Variants in MINK1 observed in about 807,000 individuals in gnomAD.
The protein encoded by MINK1 is misshapen like kinase 1, also known as misshapen-like kinase 1.
A neutral mutation model predicts 178.4 loss-of-function variants in MINK1; 46 were observed. The ratio of observed to expected loss-of-function variants is 0.26; its 90% CI spans 0.20 to 0.33. The LOEUF (loss-of-function observed/expected upper bound fraction) is 0.33. MINK1 is among the 10% of genes least tolerant of loss of function. The probability of loss-of-function intolerance (pLI) is 1.00; values close to 1 mark genes in which losing one functional copy is unlikely to be tolerated. For missense variants in MINK1, 1,366 were observed against 1,814.9 expected (o/e 0.75, Z 4.49); for synonymous variants, 797 against 709.7 (o/e 1.12, Z -1.96).
chr17:4,857,938 GAACTT>G (rs111813740), intron 1 of MINK1, among the ~76,000 whole-genome samples: 11,062 of 152,064 alleles, frequency 0.073, 851 homozygotes, highest in African/African-American at 0.2. Context: ...TATCCTTGTG[GAACTT>G]AACTTAAATT....
At chr17:4,874,745 C>T (rs1045822127) in intron 1 of MINK1, among the ~76,000 whole-genome samples, 1 of 151,994 alleles carries the variant, frequency 6.6e-6, no homozygotes, top group African/African-American at 2.4e-5. Context: ...ACGTGCGGGA[C>T]CCCAACTTGC....
At chr17:4,835,983 G>T (rs573526408) in intron 1 of MINK1, among the ~76,000 whole-genome samples, 1 of 152,236 alleles carries the variant, frequency 6.6e-6, no homozygotes, top group East Asian at 1.9e-4. Flanking sequence ...AGGGCTTGAG[G>T]GAGGGCTGTA....
intron 12 of MINK1, among the ~76,000 whole-genome samples, chr17:4,889,242 A>G (rs918320918): frequency 6.6e-6 from 1 of 152,180 alleles, no homozygotes; most frequent in Non-Finnish European, 1.5e-5. Flanking sequence ...GTGCACGGGC[A>G]CCTGGTGCCC....
At chr17:4,839,423 T>C (rs1909845262) in intron 1 of MINK1, among the ~76,000 whole-genome samples, 1 of 152,196 alleles carries the variant, frequency 6.6e-6, no homozygotes, top group Non-Finnish European at 1.5e-5. Context: ...CTACTATCTG[T>C]CTCAGTCTTC....
chr17:4,890,444 A>C, intron 13 of MINK1, 73 bp from the exon 14 acceptor site: 1 of 1,515,738 alleles, frequency 6.6e-7, no homozygotes, highest in Non-Finnish European at 8.9e-7. Flanking sequence ...AGTTGGAGAA[A>C]AGAGAGGGCA....
At position 4,896,942 on chromosome 17, in the gene MINK1, G is replaced by T. The variant is rs138909179; in HGVS notation, c.3915+129G>T. On this transcript the variant is annotated intron_variant, in intron 31 of 31. Coordinates refer to ENST00000355280, the MANE Select transcript of MINK1 (RefSeq NM_153827.5). This position sits in a 1 kb window ranked among gnomAD's most constrained non-coding sequence, Gnocchi z 4.6. ...AGCGGGCCCCTCTGGGAGCTCAGAG[G>T]GCAGTCAGCCACTACCACTGCCCTG... is the stretch of plus-strand genomic sequence containing the variant. 7.9e-7 allele frequency: 1 copy of T among 1,268,292 alleles called. No individual in the cohort carries two copies. Among genetic ancestry groups the T allele is most frequent in the Non-Finnish European group, 1.1e-6 (1 of 938,682 alleles). 78.6% of individuals were successfully genotyped at this position (1,268,292 alleles called of 1,614,324 possible).
In MINK1 at chr17:4,850,704, G is replaced by C. The variant is rs1032235771; in HGVS notation, c.57+17064G>C. ...ATGGGTACAGGTCACAAGTTTTCTT[G>C]GTCATGAAGCTTCTCTAGTCTCTTC... On this transcript the variant is annotated intron_variant, in intron 1 of 31. Coordinates refer to ENST00000355280, the MANE Select transcript of MINK1 (RefSeq NM_153827.5). Among the ~76,000 whole-genome samples the C allele has an allele frequency of 2.0e-5, 3 of 152,062 alleles. No homozygotes were observed. The South Asian group carries it at 6.2e-4, about 32-fold the overall frequency.
chr17:4,851,017 A>G (rs772862534), intron 1 of MINK1: 1 of 458,366 alleles, frequency 2.2e-6, no homozygotes, highest in South Asian at 1.6e-5. Context: ...CTCCGAGGCC[A>G]CAGATCTGGT....
At position 4,885,755 on chromosome 17, in the gene MINK1, C is replaced by G; in HGVS notation, c.639+142C>G. On this transcript the variant is annotated intron_variant, in intron 7 of 31. Transcript: ENST00000355280. The surrounding 1 kb of genome is among the most constrained non-coding windows in gnomAD (Gnocchi z 5.0). ...GGCTGGGGAACATCTTACGGCAAGG[C>G]AAGTGTGGGTGGGAAGATGGGATGG... The G allele has an allele frequency of 7.1e-7, 1 of 1,399,284 alleles. No individual in the cohort carries two copies. Among genetic ancestry groups the G allele is most frequent in the Non-Finnish European group, 9.8e-7 (1 of 1,021,300 alleles). The allele number at this position is 1,399,284 out of a possible 1,614,324, so 86.7% of individuals were successfully genotyped here.
In MINK1 at chr17:4,896,753, C is replaced by T. The variant is rs201261291; in HGVS notation, c.3855C>T (p.Asp1285=). 2.7e-4 allele frequency: 432 copies of T among 1,600,648 alleles called. 1 individual carries two copies. The African/African-American group carries it at 4.5e-3, about 17-fold the overall frequency. The stretch of plus-strand genomic sequence containing the variant: ...GCTCTGTGGAGACGGGCCACCTCGA[C>T]GGGGTCTTCATGCACAAACGAGCTC... ...EIRSVETGHL[D]GVFMHKRAQR... Residue 1285 remains aspartate (D), a synonymous_variant, in exon 31 of 32, where the codon GAC becomes GAT. Transcript: ENST00000355280. This position sits in a 1 kb window ranked among gnomAD's most constrained non-coding sequence, Gnocchi z 4.6.
At position 4,880,968 on chromosome 17, in the gene MINK1, T is replaced by G; in HGVS notation, c.124-16T>G. 6.8e-7 allele frequency: 1 copy of G among 1,480,844 alleles called. No homozygotes were observed. The highest frequency in any genetic ancestry group is 8.9e-7 in the Non-Finnish European group (1 of 1,119,644). 91.7% of individuals were successfully genotyped at this position (1,480,844 alleles called of 1,614,324 possible). On this transcript the variant is annotated splice_polypyrimidine_tract_variant and intron_variant, in intron 2 of 31. Transcript: ENST00000355280. ...TCCACCCTCTGAGCATAGACTCAGA[T>G]CCCTCTGTCCCGCAGGGTCGGCATG...
intron 1 of MINK1, among the ~76,000 whole-genome samples, chr17:4,840,981 G>A (rs557646292): frequency 6.6e-6 from 1 of 152,194 alleles, no homozygotes; most frequent in African/African-American, 2.4e-5. Context: ...ATGGGGACGA[G>A]CTGCCTAAGA....
In MINK1 at chr17:4,893,058, C is replaced by T. The variant is rs1426447770; in HGVS notation, c.2391C>T (p.Gly797=). The change falls in exon 20 of 32, where the codon GGC becomes GGT. Residue 797 remains glycine, a synonymous_variant. Transcript: ENST00000355280. ...CCGACGACCACCGCTCACGGCCAGGCCGGCCCGCAGTGAGTCACCTGGTGG... is the reference window on the plus strand; with the variant it reads ...CCGACGACCACCGCTCACGGCCAGGTCGGCCCGCAGTGAGTCACCTGGTGG... ...AKPDDHRSRP[G]RPADFVLLKE... The T allele has an allele frequency of 1.3e-6, 2 of 1,563,154 alleles. No individual in the cohort carries two copies. The highest frequency in any genetic ancestry group is 8.7e-7 in the Non-Finnish European group (1 of 1,155,954).
chr17:4,866,490 CTA>C (rs909081247), intron 1 of MINK1, among the ~76,000 whole-genome samples: 1 of 150,998 alleles, frequency 6.6e-6, no homozygotes, highest in Non-Finnish European at 1.5e-5. Context: ...AAAAAAATTT[CTA>C]TCTTACTGAA....
intron 1 of MINK1, among the ~76,000 whole-genome samples, chr17:4,835,355 G>A (rs1475566370): frequency 6.6e-6 from 1 of 152,102 alleles, no homozygotes. Context: ...CAGGCCGGGC[G>A]AGGTGCTCAC....
intron 1 of MINK1, among the ~76,000 whole-genome samples, chr17:4,843,081 GA>G (rs1457352898): frequency 2.0e-5 from 3 of 152,266 alleles, no homozygotes; most frequent in Admixed American, 6.5e-5. Context: ...GGAGGAGGTG[GA>G]GAGAGTCCGC....
chr17:4,894,625 C>T lies in MINK1; in HGVS notation c.2909C>T (p.Pro970Leu). The change falls in exon 24 of 32, where the codon CCC (proline) becomes CTC (leucine). Residue 970 changes from proline (P) to leucine (L), a missense_variant. By Grantham distance (98) the Pro-to-Leu change is moderately conservative. Coordinates refer to ENST00000355280, the MANE Select transcript of MINK1 (RefSeq NM_153827.5). This position sits in a 1 kb window ranked among gnomAD's most constrained non-coding sequence, Gnocchi z 4.1. ...CCTGGAGGCAGTGGGGACAGCATCC[C>T]CATCACAGGTGAGGACAGGAGGACA... ...YQPGGSGDSI[P>L]ITALVGGEGT... 1.2e-6 allele frequency: 2 copies of T among 1,602,292 alleles called. No homozygotes were observed. The highest frequency in any genetic ancestry group is 1.3e-5 in the African/African-American group (1 of 74,784).
rs367670071 is a variant in MINK1 at position 4,885,272 on chromosome 17, C to T, written c.509-211C>T. Among the ~76,000 whole-genome samples, 23 of 152,236 alleles carry T rather than the reference C, an allele frequency of 1.5e-4. No individual in the cohort carries two copies. The highest frequency in any genetic ancestry group is 4.8e-4 in the African/African-American group (20 of 41,530). On this transcript the variant is annotated intron_variant, in intron 6 of 31. Transcript: ENST00000355280. This position sits in a 1 kb window ranked among gnomAD's most constrained non-coding sequence, Gnocchi z 5.0. ...TGGCCCTCCTGCCTGGGATGCTGTC[C>T]GTGATCCTTTTACCTGGGTTTTTCT...
At chr17:4,851,995 GTCTCAAAAAAAAAAAAAAAAAAAAAAAAA>G (rs1912045651) in intron 1 of MINK1, among the ~76,000 whole-genome samples, 3 of 57,446 alleles carry the variant, frequency 5.2e-5, no homozygotes, top group African/African-American at 2.8e-4. Flanking sequence ...GTGAGACTCT[GTCTCAAAAAAAAAAAAAAAAAAAAAAAAA>G]AAACTAAGAA....
Sources: allele counts gnomAD v4.1 joint callset (sites outside exome capture counted in the v4.1 genomes callset), GRCh38; gene constraint gnomAD v4.1.1; non-coding constraint Gnocchi (gnomAD v3.1); transcripts MANE v1.5; gene names NCBI Gene and HGNC (gene_info 2026-07-23, HGNC 2026-07-21).